The following FRMD4B variants were observed in gnomAD, a reference collection of about 807,000 sequenced individuals.
FRMD4B encodes the protein FERM domain-containing protein 4B.
In FRMD4B, 74 loss-of-function variants were observed where a neutral mutation model predicts 141.5. The observed-to-expected ratio is 0.52, with a 90% CI of 0.43 to 0.63. The LOEUF is 0.63. Among genes scored for constraint, FRMD4B ranks in the 30% least tolerant of loss-of-function variants. The pLI is 0.00. For synonymous variants in FRMD4B, 506 were observed against 467.9 expected, an observed-to-expected ratio of 1.08 and a Z score of -1.05; for missense variants, 1,366 against 1,253.4, an observed-to-expected ratio of 1.09 and a Z score of -1.36.
chr3:69,326,905 T>C (rs1702208469), intron 1 of FRMD4B, among the ~76,000 whole-genome samples: 1 of 152,174 alleles, frequency 6.6e-6, no homozygotes, highest in African/African-American at 2.4e-5. Flanking sequence ...GCCTCGTTGC[T>C]TAAAACCAGT....
chr3:69,406,733 G>A (rs910125691), intron 2 of FRMD4B, among the ~76,000 whole-genome samples: 1 of 151,286 alleles, frequency 6.6e-6, no homozygotes, highest in Non-Finnish European at 1.5e-5. Context: ...GTTAGGTTTT[G>A]TTTTTGTTTT....
intron 2 of FRMD4B, among the ~76,000 whole-genome samples, chr3:69,391,178 A>G (rs1704374798): frequency 6.6e-6 from 1 of 151,970 alleles, no homozygotes. Context: ...AATAACTATC[A>G]TAACAACTAT....
intron 7 of FRMD4B, among the ~76,000 whole-genome samples, chr3:69,240,386 CAGG>C (rs1298198233): frequency 1.4e-5 from 2 of 144,078 alleles, no homozygotes; most frequent in Non-Finnish European, 3.0e-5. Flanking sequence ...GAGGCTGAGG[CAGG>C]AGAATTGCTT....
At chr3:69,513,184 G>T (rs1603834) in intron 1 of FRMD4B, among the ~76,000 whole-genome samples, 83,398 of 151,772 alleles carry the variant, frequency 0.55, 23,498 homozygotes, top group African/African-American at 0.69. Flanking sequence ...GAAAAAAAGA[G>T]AACACTCAAA....
intron 1 of FRMD4B, among the ~76,000 whole-genome samples, chr3:69,513,123 T>C (rs1706715611): frequency 6.6e-6 from 1 of 151,482 alleles, no homozygotes; most frequent in Non-Finnish European, 1.5e-5. Flanking sequence ...TCAATGAAAC[T>C]GAGTATTTTG....
intron 9 of FRMD4B, among the ~76,000 whole-genome samples, chr3:69,218,623 A>C (rs1041482732): frequency 6.6e-6 from 1 of 152,228 alleles, no homozygotes; most frequent in African/African-American, 2.4e-5. Flanking sequence ...CTTTCCACAC[A>C]TTCAAATGTT....
In FRMD4B at chr3:69,386,086, G is replaced by T; in HGVS notation, c.-97C>A. ...GCCTGGGCTCCCGACGCCGGCTTCT[G>T]CTGGCAGCCGGGGGGTCAAGCCTGC... On this transcript the variant is annotated 5_prime_UTR_variant, in exon 1 of 23. Transcript: ENST00000398540. 2 of 1,157,760 alleles carry T rather than the reference G, an allele frequency of 1.7e-6. No homozygotes were observed. Among genetic ancestry groups the T allele is most frequent in the Non-Finnish European group, 2.3e-6 (2 of 855,722 alleles). 71.7% of individuals were successfully genotyped at this position (1,157,760 alleles called of 1,614,324 possible).
intron 5 of FRMD4B, among the ~76,000 whole-genome samples, chr3:69,275,442 C>CTT (rs11405908): frequency 0.011 from 1,608 of 141,778 alleles, 32 homozygotes; most frequent in African/African-American, 0.035. Context: ...CTCTCTCTCT[C>CTT]TTTTTTTTTT....
At chr3:69,210,396 C>T (rs1358732623) in intron 11 of FRMD4B, among the ~76,000 whole-genome samples, 1 of 151,106 alleles carries the variant, frequency 6.6e-6, no homozygotes, top group Non-Finnish European at 1.5e-5. Flanking sequence ...ACAATAAATA[C>T]TTAGAAGGAA....
chr3:69,254,573 C>G (rs2093481393), intron 5 of FRMD4B, among the ~76,000 whole-genome samples: 1 of 152,074 alleles, frequency 6.6e-6, no homozygotes, highest in African/African-American at 2.4e-5. Context: ...TGAGATATTG[C>G]CAATAATGGG....
chr3:69,314,143 A>AAAAAC (rs1225462086), intron 1 of FRMD4B, among the ~76,000 whole-genome samples: 6 of 66,564 alleles, frequency 9.0e-5, no homozygotes, highest in Non-Finnish European at 2.1e-4. Flanking sequence ...CGTCTCAAAA[A>AAAAAC]AAAAAAAAAA....
chr3:69,256,191 A>G (rs1215292782), intron 5 of FRMD4B, among the ~76,000 whole-genome samples: 1 of 152,166 alleles, frequency 6.6e-6, no homozygotes, highest in East Asian at 1.9e-4. Flanking sequence ...CAGTGCAAAG[A>G]GCAGATGTGA....
chr3:69,434,113 G>T (rs146882382), intron 1 of FRMD4B, among the ~76,000 whole-genome samples: 56 of 152,300 alleles, frequency 3.7e-4, no homozygotes, highest in Middle Eastern at 3.4e-3. Context: ...TGTAAACAAT[G>T]ATATACCAAG....
Position 69,532,263 on chromosome 3 carries a change from T to C in FRMD4B, c.-129+9943A>G, listed in dbSNP as rs534935054. On this transcript the variant is annotated intron_variant, in intron 1 of 5. Coordinates refer to the FRMD4B transcript ENST00000459638. The stretch of plus-strand genomic sequence containing the variant: ...GATTTGTCTAAATACTAAAAGGTTA[T>C]TTGATATGACAAGTTACAACAAATA... Among the ~76,000 whole-genome samples, 4 of 152,362 alleles carry C rather than the reference T, an allele frequency of 2.6e-5. No individual in the cohort carries two copies. In the East Asian group the frequency reaches 5.8e-4, roughly 22 times the overall value.
At chr3:69,230,747 C>G (rs1430428926) in intron 7 of FRMD4B, among the ~76,000 whole-genome samples, 1 of 145,784 alleles carries the variant, frequency 6.9e-6, no homozygotes, top group East Asian at 2.0e-4. Context: ...GACTCTGCCT[C>G]GAAAAAAAAA....
chr3:69,539,008 C>G (rs749077404), intron 1 of FRMD4B, among the ~76,000 whole-genome samples: 4 of 152,142 alleles, frequency 2.6e-5, no homozygotes, highest in Admixed American at 6.5e-5. Context: ...TTTCAGTGAG[C>G]CTCAGCACTC....
chr3:69,364,873 T>A (rs1430973419), intron 1 of FRMD4B, among the ~76,000 whole-genome samples: 3 of 151,878 alleles, frequency 2.0e-5, no homozygotes, highest in South Asian at 2.1e-4. Flanking sequence ...CTTGTTTTTT[T>A]AAAAAAATAA....
At chr3:69,364,475 C>T (rs552951525) in intron 1 of FRMD4B, among the ~76,000 whole-genome samples, 3 of 152,338 alleles carry the variant, frequency 2.0e-5, no homozygotes, top group East Asian at 3.9e-4. Flanking sequence ...CAAAAACATT[C>T]ATTGGGAAAC....
chr3:69,220,559 A>G (rs2093184013), intron 9 of FRMD4B, among the ~76,000 whole-genome samples: 1 of 152,168 alleles, frequency 6.6e-6, no homozygotes, highest in African/African-American at 2.4e-5. Context: ...TTTGATAAAA[A>G]CAAGATTAGA....
Sources: gnomAD v4.1 joint callset for allele counts (sites outside exome capture counted in the v4.1 genomes callset) on GRCh38, gnomAD v4.1.1 for gene constraint, MANE v1.5 for transcripts, NCBI Gene and HGNC (gene_info 2026-07-23, HGNC 2026-07-21) for gene names.